Variants in HSD17B12 observed in about 807,000 individuals in gnomAD.
The protein encoded by HSD17B12 is hydroxysteroid 17-beta dehydrogenase 12, also known as very-long-chain 3-oxoacyl-CoA reductase.
HSD17B12 carries 32 observed loss-of-function variants against 39.3 expected under a neutral mutation model. That is an observed-to-expected ratio of 0.81 (90% confidence interval 0.61 to 1.09). HSD17B12 has a LOEUF of 1.09. HSD17B12 is among the 50% of genes least tolerant of loss of function. HSD17B12 has a pLI of 0.00. For synonymous variants in HSD17B12, 150 were observed against 146.7 expected, an observed-to-expected ratio of 1.02 and a Z score of -0.16; for missense variants, 342 against 382.9, an observed-to-expected ratio of 0.89 and a Z score of 0.89.
intron 1 of HSD17B12, among the ~76,000 whole-genome samples, chr11:43,705,617 T>C (rs1025107856): frequency 2.0e-5 from 3 of 152,186 alleles, no homozygotes; most frequent in African/African-American, 7.2e-5. Flanking sequence ...TTCATCATCC[T>C]GGGGGTATCA....
At position 43,777,478 on chromosome 11, in the gene HSD17B12, G is replaced by T. The variant is rs188082881; in HGVS notation, c.284-20842G>T. On this transcript the variant is annotated intron_variant, in intron 3 of 10. Coordinates refer to ENST00000278353, the MANE Select transcript of HSD17B12 (RefSeq NM_016142.3). ...TTTTGTATCCTGAGACTTTGCTGAA[G>T]TTGCTTATCAGCTTAAGGAGATTTT... 2.7e-4 allele frequency among the ~76,000 whole-genome samples: 41 copies of T among 152,312 alleles called. No individual in the cohort carries two copies. The East Asian group carries it at 6.9e-3, about 26-fold the overall frequency.
chr11:43,658,020 C>T, the HSD17B12 span, among the ~76,000 whole-genome samples: 517 of 152,362 alleles, frequency 3.4e-3, 3 homozygotes, highest in East Asian at 0.03. Flanking sequence ...CTCCCCGTCA[C>T]TTTCAGGTAC....
chr11:43,702,584 G>A (rs368824120), intron 1 of HSD17B12, among the ~76,000 whole-genome samples: 1 of 152,072 alleles, frequency 6.6e-6, no homozygotes, highest in South Asian at 2.1e-4. Flanking sequence ...TGAATATGTG[G>A]TTTTTATCCT....
intron 4 of HSD17B12, among the ~76,000 whole-genome samples, chr11:43,813,651 A>G (rs886849138): frequency 1.3e-5 from 2 of 152,236 alleles, no homozygotes; most frequent in African/African-American, 4.8e-5. Flanking sequence ...AAGTCAAGTG[A>G]ACATAAAGCC....
In HSD17B12 at chr11:43,722,743, G is replaced by A. The variant is rs1355868257; in HGVS notation, c.161-28168G>A. 2.0e-5 allele frequency among the ~76,000 whole-genome samples: 3 copies of A among 152,236 alleles called. No homozygotes were observed. In the East Asian group the frequency reaches 5.8e-4, roughly 29 times the overall value. On this transcript the variant is annotated intron_variant, in intron 1 of 10. Transcript: ENST00000278353. ...AGGTGCCTGTAATCCCAGCTACTTG[G>A]GAGGCTGAGGCAGGAGAATTGCTTG...
chr11:43,685,012 A>G (rs557116818), intron 1 of HSD17B12, among the ~76,000 whole-genome samples: 389 of 152,298 alleles, frequency 2.6e-3, no homozygotes, highest in Non-Finnish European at 4.6e-3. Flanking sequence ...TTCAAGTTTC[A>G]TCTATGAAAT....
chr11:43,758,011 CT>C (rs1436253078), intron 3 of HSD17B12, among the ~76,000 whole-genome samples: 3 of 152,140 alleles, frequency 2.0e-5, no homozygotes, highest in Admixed American at 2.0e-4. Flanking sequence ...TTTCTATTTT[CT>C]TAAGCCTTGT....
the HSD17B12 span, among the ~76,000 whole-genome samples, chr11:43,666,538 C>T: frequency 6.6e-6 from 1 of 152,150 alleles, no homozygotes; most frequent in Admixed American, 6.6e-5. Flanking sequence ...GAGACAGCAT[C>T]TCACCATGTT....
At chr11:43,591,472 TTAAA>T in the HSD17B12 span, among the ~76,000 whole-genome samples, 1 of 152,182 alleles carries the variant, frequency 6.6e-6, no homozygotes, top group Non-Finnish European at 1.5e-5. Context: ...GGCTATCACT[TTAAA>T]TAACAAACAA....
the HSD17B12 span, chr11:43,641,125 C>T: frequency 5.9e-5 from 9 of 151,644 alleles, no homozygotes; most frequent in Non-Finnish European, 1.3e-4. Flanking sequence ...CTTTGCTTAT[C>T]TTAACTGATG....
At chr11:43,696,801 G>T (rs1016529147) in intron 1 of HSD17B12, among the ~76,000 whole-genome samples, 3 of 152,056 alleles carry the variant, frequency 2.0e-5, no homozygotes, top group African/African-American at 7.2e-5. Flanking sequence ...AGAAAATGTG[G>T]TACATACACA....
At chr11:43,637,199 T>A in the HSD17B12 span, among the ~76,000 whole-genome samples, 1 of 148,948 alleles carries the variant, frequency 6.7e-6, no homozygotes, top group Admixed American at 6.8e-5. Flanking sequence ...ACTGGATAAG[T>A]GGACACTGGT....
chr11:43,684,351 G>T (rs1949777868), intron 1 of HSD17B12, among the ~76,000 whole-genome samples: 1 of 152,226 alleles, frequency 6.6e-6, no homozygotes, highest in Non-Finnish European at 1.5e-5. Context: ...TGATAACAAA[G>T]GTGGTCAGTT....
chr11:43,704,527 A>G (rs1949996287), intron 1 of HSD17B12, among the ~76,000 whole-genome samples: 2 of 152,228 alleles, frequency 1.3e-5, no homozygotes, highest in African/African-American at 4.8e-5. Context: ...TGTGGCAGAT[A>G]CAGTTGGTTG....
intron 4 of HSD17B12, among the ~76,000 whole-genome samples, chr11:43,809,992 C>T (rs1056893303): frequency 1.3e-5 from 2 of 152,036 alleles, no homozygotes; most frequent in African/African-American, 2.4e-5. Context: ...TGATGTATGT[C>T]GGGAAGCCCG....
chr11:43,777,792 A>C (rs1229054781), intron 3 of HSD17B12, among the ~76,000 whole-genome samples: 1 of 152,204 alleles, frequency 6.6e-6, no homozygotes, highest in African/African-American at 2.4e-5. Context: ...CAATGAGAAC[A>C]AAGACACAAC....
chr11:43,578,731 C>G, the HSD17B12 span, among the ~76,000 whole-genome samples: 1 of 151,200 alleles, frequency 6.6e-6, no homozygotes, highest in Non-Finnish European at 1.5e-5. Flanking sequence ...GTGGTGGTAG[C>G]GCCAATAAAG....
the HSD17B12 span, among the ~76,000 whole-genome samples, chr11:43,612,344 C>A: frequency 0.02 from 2,998 of 152,160 alleles, 41 homozygotes; most frequent in Non-Finnish European, 0.028. Flanking sequence ...AAATATATTG[C>A]ACATAATATT....
chr11:43,701,660 G>T lies in HSD17B12; in HGVS notation c.160+20673G>T, dbSNP rs144521339. ...CTGTAGGTGTGCAGATTTGTTTCTG[G>T]ATTCTCTATTGTGTTGCATTGGTCA... On this transcript the variant is annotated intron_variant, in intron 1 of 10. Coordinates refer to ENST00000278353, the MANE Select transcript of HSD17B12 (RefSeq NM_016142.3). 5.1e-3 allele frequency among the ~76,000 whole-genome samples: 775 copies of T among 152,198 alleles called. 9 individuals carry two copies. The highest frequency in any genetic ancestry group is 0.017 in the African/African-American group (713 of 41,530).
Sources: gnomAD v4.1 joint callset for allele counts (sites outside exome capture counted in the v4.1 genomes callset) on GRCh38, gnomAD v4.1.1 for gene constraint, MANE v1.5 for transcripts, NCBI Gene and HGNC (gene_info 2026-07-23, HGNC 2026-07-21) for gene names.